ZNF630: variants seen among roughly 807,000 people sequenced by gnomAD.
The protein encoded by ZNF630 is dJ54B20.2 (novel KRAB box containing C2H2 type zinc finger protein).
A neutral mutation model predicts 7.2 loss-of-function variants in ZNF630; 5 were observed. The observed-to-expected ratio is 0.70, with a 90% CI of 0.36 to 1.46. The LOEUF (loss-of-function observed/expected upper bound fraction) is 1.46, where lower values mean the gene tolerates loss of function less well. Among genes scored for constraint, ZNF630 ranks in the 40% most tolerant of loss-of-function variants. ZNF630 has a pLI of 0.03. For synonymous variants in ZNF630, 158 were observed against 162.8 expected (o/e 0.97, Z 0.23); for missense variants, 461 against 477.0 (o/e 0.97, Z 0.31).
At chrX:48,066,850 A>T (rs2059133291) in intron 2 of ZNF630, 22 bp downstream of exon 2, 1 of 1,207,131 alleles carries the variant, frequency 8.3e-7, no homozygotes, top group East Asian at 3.0e-5. Context: ...TGGGAAAACC[A>T]AGTGGCAAAC....
chrX:48,066,996 C>A lies in ZNF630; in HGVS notation c.-110G>T, dbSNP rs2059134062. On this transcript the variant is annotated 5_prime_UTR_variant, in exon 2 of 5. Coordinates refer to ENST00000276054, the MANE Select transcript of ZNF630 (RefSeq NM_001282201.2). The stretch of plus-strand genomic sequence containing the variant: ...AACAGCTGGATGTGACAATGTGTTG[C>A]TTGTTAATTCATTGATGACTTGTGT... 1 of 850,878 alleles carries A rather than the reference C, an allele frequency of 1.2e-6. No individual in the cohort carries two copies. The highest frequency in any genetic ancestry group is 2.7e-5 in the Admixed American group (1 of 37,396). The allele number at this position is 850,878 out of a possible 1,213,427, so 70.1% of individuals were successfully genotyped here.
chrX:48,061,843 A>ACTGTGAGTCAATTAAACC (rs1436951686), intron 2 of ZNF630: 3 of 300,625 alleles, frequency 1.0e-5, no homozygotes, highest in African/African-American at 8.2e-5. Flanking sequence ...CCCCCGTGGA[A>ACTGTGAGTCAATTAAACC]CTGTGAGTCA....
chrX:48,058,203 C>A lies in ZNF630; in HGVS notation c.*265G>T. ...TTCTATAAAGCATTTAATGACCAAA[C>A]AACACCAAAGTAGTGCTAATTCTTC... On this transcript the variant is annotated 3_prime_UTR_variant, in exon 5 of 5. Transcript: ENST00000276054. 1 of 274,052 alleles carries A rather than the reference C, an allele frequency of 3.6e-6. No homozygotes were observed. The highest frequency in any genetic ancestry group is 5.9e-5 in the Admixed American group (1 of 16,988). The allele number at this position is 274,052 out of a possible 1,213,427, so 22.6% of individuals were successfully genotyped here.
rs186561753 is a variant in ZNF630 at position 48,057,956 on chromosome X, C to T, written c.*512G>A. Among the ~76,000 whole-genome samples the T allele has an allele frequency of 7.2e-4, 79 of 110,189 alleles. 1 individual carries two copies. The East Asian group carries it at 0.02, about 28-fold the overall frequency. On this transcript the variant is annotated 3_prime_UTR_variant, in exon 5 of 5. Coordinates refer to ENST00000276054, the MANE Select transcript of ZNF630 (RefSeq NM_001282201.2). ...CTATAATCCCAGCTACTCGAGAGGG[C>T]GAGGCAGGACAATCGCTCAAACCTA...
chrX:48,070,611 TAA>T (rs782104749), intron 1 of ZNF630, among the ~76,000 whole-genome samples: 23,059 of 65,429 alleles, frequency 0.35, 3,420 homozygotes, highest in South Asian at 0.5. Context: ...AGACTTCGTC[TAA>T]AAAAAAAAAA....
chrX:48,058,549 G>T lies in ZNF630; in HGVS notation c.1893C>A (p.Asp631Glu). Residue 631 changes from aspartate to glutamate, a missense_variant, in exon 5 of 5, where the codon GAC becomes GAA. Transcript: ENST00000276054. ...CATGCTGGCAGAATGCCTTCCCACA[G>T]TCACTGCATCTGGAGGGTTTCTCCC... is the stretch of plus-strand genomic sequence containing the variant. ...HTGEKPSRCSDCGKAFCQHVY... is the reference protein window; with the variant it reads ...HTGEKPSRCSECGKAFCQHVY... The T allele has an allele frequency of 8.3e-7, 1 of 1,207,692 alleles. No individual in the cohort carries two copies. The highest frequency in any genetic ancestry group is 1.1e-6 in the Non-Finnish European group (1 of 892,840).
Position 48,058,715 on chromosome X carries a change from C to T in ZNF630, c.1727G>A (p.Cys576Tyr), listed in dbSNP as rs782361783. ...AGACTTTCCACAGAAGGCCTTTCCA[C>T]ATTCACTACATTCATAGGGTTTCTC... The part of the protein sequence containing the change: ...TGEKPYECSE[C>Y]GKAFCGKSPL... The change falls in exon 5 of 5, where the codon TGT (cysteine) becomes TAT (tyrosine). Residue 576 changes from cysteine to tyrosine, a missense_variant. Cys to Tyr is a radical substitution (Grantham distance 194). Coordinates refer to ENST00000276054, the MANE Select transcript of ZNF630 (RefSeq NM_001282201.2). 3.3e-6 allele frequency: 4 copies of T among 1,205,791 alleles called. No individual in the cohort carries two copies. In the African/African-American group the frequency reaches 7.0e-5, roughly 21 times the overall value.
Position 48,068,857 on chromosome X carries a change from G to A in ZNF630, c.-175-1796C>T, listed in dbSNP as rs1212936454. On this transcript the variant is annotated intron_variant, in intron 1 of 4. Transcript: ENST00000276054. ...TATTACCATAGAAATAAACCAAGTC[G>A]TACTACGGGAATTAAGTTAATGGCA... Among the ~76,000 whole-genome samples the A allele has an allele frequency of 7.2e-5, 8 of 111,312 alleles. 1 individual carries two copies. In the East Asian group the frequency reaches 1.4e-3, roughly 19 times the overall value.
rs1556909448 is a variant in ZNF630, at chrX:48,062,973, A to AAAGG, written c.16-2029_16-2028insCCTT. 4.3e-4 allele frequency among the ~76,000 whole-genome samples: 24 copies of AAAGG among 55,691 alleles called. 1 individual carries two copies. Among genetic ancestry groups the AAAGG allele is most frequent in the Non-Finnish European group, 5.7e-4 (19 of 33,226 alleles). The allele number at this position is 55,691 out of a possible 115,157, so 48.4% of individuals were successfully genotyped here. On this transcript the variant is annotated intron_variant, in intron 2 of 4. Transcript: ENST00000276054. ...AAGAAAGAAAGAGAGAGAGAGAGAGAGAGGGAGGGAGGGAGGGAGGGAGGA... is the reference window on the plus strand; with the variant it reads ...AAGAAAGAAAGAGAGAGAGAGAGAGAAAGGGAGGGAGGGAGGGAGGGAGGGAGGA...
Position 48,059,087 on chromosome X carries a change from A to G in ZNF630, c.1355T>C (p.Ile452Thr). The G allele has an allele frequency of 8.3e-7, 1 of 1,208,488 alleles. No homozygotes were observed. Among genetic ancestry groups the G allele is most frequent in the Non-Finnish European group, 1.1e-6 (1 of 893,243 alleles). Residue 452 changes from isoleucine (I) to threonine (T), a missense_variant, in exon 5 of 5, where the codon ATT (isoleucine) becomes ACT (threonine). Ile to Thr is a moderately conservative substitution (Grantham distance 89, BLOSUM62 -1). Transcript: ENST00000276054. ...CACATAAGGTTTTTCTCCTGTATGA[A>G]TTCTTTGATGTCCTATGAGGTGGGA... is the stretch of plus-strand genomic sequence containing the variant. ...QQSHLIGHQR[I>T]HTGEKPYVCT...
In ZNF630 at chrX:48,058,508, T is replaced by C. The variant is rs2059080459; in HGVS notation, c.1934A>G (p.His645Arg). Residue 645 changes from histidine (H) to arginine (R), a missense_variant, in exon 5 of 5, where the codon CAT becomes CGT. Coordinates refer to ENST00000276054, the MANE Select transcript of ZNF630 (RefSeq NM_001282201.2). ...GGTGTCTTTCCTATATGGATTCTGA[T>C]GCCCAGTAAAGTATACATGCTGGCA... ...AFCQHVYFTG[H>R]QNPYRKDTLY... The C allele has an allele frequency of 8.4e-7, 1 of 1,194,785 alleles. No individual in the cohort carries two copies. Among genetic ancestry groups the C allele is most frequent in the South Asian group, 1.9e-5 (1 of 54,002 alleles).
intron 1 of ZNF630, among the ~76,000 whole-genome samples, chrX:48,069,051 G>A (rs1179299165): frequency 3.6e-5 from 4 of 110,457 alleles, no homozygotes; most frequent in Non-Finnish European, 7.6e-5. Flanking sequence ...GCCAGCCTGA[G>A]CAACATAGTG....
At position 48,060,174 on chromosome X, in the gene ZNF630, G is replaced by A; in HGVS notation, c.268C>T (p.Gln90Ter). 1 of 1,152,832 alleles carries A rather than the reference G, an allele frequency of 8.7e-7. No individual in the cohort carries two copies. The highest frequency in any genetic ancestry group is 1.2e-6 in the Non-Finnish European group (1 of 865,908). Residue 90 changes from glutamine to a stop codon, truncating the protein, a stop_gained, in exon 5 of 5, where the codon CAG (glutamine) becomes TAG (stop). Transcript: ENST00000276054. LOFTEE classifies it low-confidence loss of function (END_TRUNC). The part of the protein sequence containing the change: ...DRVKGLESSQ[Q>*]IISGELLFQR... ...AATAAAAGTTCTCCAGAAATGATCT[G>A]CTGGGAAGATTCAAGGCCTTTCACT...
At chrX:48,069,432 T>C (rs2059148994) in intron 1 of ZNF630, among the ~76,000 whole-genome samples, 1 of 111,142 alleles carries the variant, frequency 9.0e-6, no homozygotes, top group Admixed American at 9.6e-5. Flanking sequence ...AAAGCAACCA[T>C]AGCTGACAAA....
chrX:48,066,326 GA>G (rs56117929), intron 2 of ZNF630: 34,713 of 93,902 alleles, frequency 0.37, 5,158 homozygotes, highest in South Asian at 0.46. Context: ...TTTTCAGGGA[GA>G]AAAAAAAAAA....
At chrX:48,070,392 C>G (rs2059154632) in intron 1 of ZNF630, among the ~76,000 whole-genome samples, 1 of 107,520 alleles carries the variant, frequency 9.3e-6, no homozygotes, top group South Asian at 4.1e-4. Context: ...GGGTGTATCA[C>G]CTGAGGTCAA....
At position 48,059,066 on chromosome X, in the gene ZNF630, T is replaced by A. The variant is rs781906980; in HGVS notation, c.1376A>T (p.Tyr459Phe). Reference protein sequence around the residue: ...HQRIHTGEKPYVCTDCGKAFS... With the variant: ...HQRIHTGEKPFVCTDCGKAFS... ...GGCCTTCCCACAGTCAGTACACACA[T>A]AAGGTTTTTCTCCTGTATGAATTCT... is the stretch of plus-strand genomic sequence containing the variant. Residue 459 changes from tyrosine (Y) to phenylalanine (F), a missense_variant, in exon 5 of 5, where the codon TAT becomes TTT. Coordinates refer to ENST00000276054, the MANE Select transcript of ZNF630 (RefSeq NM_001282201.2). 1 of 1,206,915 alleles carries A rather than the reference T, an allele frequency of 8.3e-7. No individual in the cohort carries two copies. Among genetic ancestry groups the A allele is most frequent in the African/African-American group, 1.8e-5 (1 of 56,858 alleles).
chrX:48,058,370 A>T lies in ZNF630; in HGVS notation c.*98T>A. 1 of 827,066 alleles carries T rather than the reference A, an allele frequency of 1.2e-6. No homozygotes were observed. The highest frequency in any genetic ancestry group is 1.7e-6 in the Non-Finnish European group (1 of 597,329). 68.2% of individuals were successfully genotyped at this position (827,066 alleles called of 1,213,427 possible). A position where few individuals can be genotyped will look rare whatever the true frequency, so the allele number is the denominator to read the frequency against. ...AATCATGTATACTGAGGAACATATT[A>T]GTCTATTCTACAGTTGAGAAGTTGT... On this transcript the variant is annotated 3_prime_UTR_variant, in exon 5 of 5. Coordinates refer to ENST00000276054, the MANE Select transcript of ZNF630 (RefSeq NM_001282201.2).
rs782804964 is a variant in ZNF630, at chrX:48,069,270, C to A, written c.-176+1997G>T. Among the ~76,000 whole-genome samples the A allele has an allele frequency of 1.7e-4, 17 of 102,002 alleles. No individual in the cohort carries two copies. In the East Asian group the frequency reaches 4.6e-3, roughly 27 times the overall value. The allele number at this position is 102,002 out of a possible 115,157, so 88.6% of individuals were successfully genotyped here. A position where few individuals can be genotyped will look rare whatever the true frequency, so the allele number is the denominator to read the frequency against. ...AAAAAAAAAGGAAAAGAAAAGAAAA[C>A]AAAAAAAAAATACCATGTAGATCAC... On this transcript the variant is annotated intron_variant, in intron 1 of 4. Transcript: ENST00000276054.
Sources: gnomAD v4.1 joint callset for allele counts (sites outside exome capture counted in the v4.1 genomes callset) on GRCh38, gnomAD v4.1.1 for gene constraint, MANE v1.5 for transcripts, NCBI Gene and HGNC (gene_info 2026-07-23, HGNC 2026-07-21) for gene names.